The following VWA8 variants were observed in gnomAD, a reference collection of about 807,000 sequenced individuals.
The protein encoded by VWA8 is von Willebrand factor A domain containing 8, also known as von Willebrand factor A domain-containing protein 8.
In VWA8, 221 loss-of-function variants were observed where a neutral mutation model predicts 241.5. The observed-to-expected ratio is 0.91, with a 90% CI of 0.82 to 1.02. VWA8 has a LOEUF of 1.02. Ranked by LOEUF, VWA8 falls within the 50% of genes least tolerant of loss-of-function variation. The pLI is 0.00. For synonymous variants in VWA8, 852 were observed against 827.1 expected (o/e 1.03, Z -0.52); for missense variants, 2,322 against 2,328.7 (o/e 1.00, Z 0.06).
chr13:41,840,633 C>G (rs1010425030), intron 12 of VWA8, among the ~76,000 whole-genome samples: 3 of 151,904 alleles, frequency 2.0e-5, no homozygotes, highest in African/African-American at 7.3e-5. Context: ...GTGGTGCACA[C>G]CTGTAGTCCC....
At position 41,583,642 on chromosome 13, in the gene VWA8, CA is replaced by C. The variant is rs935505646; in HGVS notation, c.5271+3869del. 4.1e-3 allele frequency among the ~76,000 whole-genome samples: 175 copies of C among 42,180 alleles called. 1 individual carries two copies. The highest frequency in any genetic ancestry group is 0.033 in the South Asian group (38 of 1,166). 27.7% of individuals were successfully genotyped at this position (42,180 alleles called of 152,430 possible). ...TGGGTGACCGAGCAAGACTCCATCT[CA>C]AAAAAAAAAAAAAAAAAAACAAACA... On this transcript the variant is annotated intron_variant, in intron 42 of 44. Transcript: ENST00000379310.
intron 14 of VWA8, among the ~76,000 whole-genome samples, chr13:41,825,894 A>T (rs1387172667): frequency 6.6e-6 from 1 of 152,228 alleles, no homozygotes; most frequent in Non-Finnish European, 1.5e-5. Context: ...ATAATGGGTC[A>T]TATTACTTAT....
intron 39 of VWA8, among the ~76,000 whole-genome samples, chr13:41,607,492 G>A (rs1465456202): frequency 6.6e-6 from 1 of 152,140 alleles, no homozygotes; most frequent in African/African-American, 2.4e-5. Flanking sequence ...TATCAAGGCT[G>A]ACAGAAGCTG....
At chr13:41,766,477 G>C (rs2045779817) in intron 20 of VWA8, among the ~76,000 whole-genome samples, 3 of 152,192 alleles carry the variant, frequency 2.0e-5, no homozygotes, top group Non-Finnish European at 2.9e-5. Context: ...TGCAACAGCA[G>C]ATAAATTTGC....
chr13:41,577,949 C>G lies in VWA8; in HGVS notation c.5272-2111G>C, dbSNP rs193077567. On this transcript the variant is annotated intron_variant, in intron 42 of 44. Transcript: ENST00000379310. ...TCAACAAATACAGTTTTTAGCTGGT[C>G]TTTAGTAAAACAAGATACTGGCTGA... is the stretch of plus-strand genomic sequence containing the variant. Among the ~76,000 whole-genome samples the G allele has an allele frequency of 1.0e-3, 152 of 152,280 alleles. 1 individual carries two copies. Among genetic ancestry groups the G allele is most frequent in the African/African-American group, 3.4e-3 (142 of 41,556 alleles).
chr13:41,869,061 T>C (rs1057340915), intron 9 of VWA8, among the ~76,000 whole-genome samples: 5 of 152,136 alleles, frequency 3.3e-5, no homozygotes, highest in Admixed American at 3.3e-4. Flanking sequence ...ATTCCTGACC[T>C]GGTAGAAGTT....
At chr13:41,724,961 C>T (rs1374303787) in intron 24 of VWA8, among the ~76,000 whole-genome samples, 1 of 152,070 alleles carries the variant, frequency 6.6e-6, no homozygotes, top group Admixed American at 6.5e-5. Flanking sequence ...ACACTTGAGG[C>T]CCATTGTTAA....
chr13:41,655,007 T>C (rs1270666017), intron 37 of VWA8, among the ~76,000 whole-genome samples: 1 of 152,180 alleles, frequency 6.6e-6, no homozygotes, highest in Non-Finnish European at 1.5e-5. Flanking sequence ...TACACATTAA[T>C]GCTATATCAA....
chr13:41,787,114 T>C (rs1869229461), intron 18 of VWA8, among the ~76,000 whole-genome samples: 2 of 149,006 alleles, frequency 1.3e-5, no homozygotes, highest in African/African-American at 5.0e-5. Context: ...GAAATACATT[T>C]GGAAAAAGTA....
At chr13:41,828,120 A>G (rs1294158883) in intron 14 of VWA8, among the ~76,000 whole-genome samples, 1 of 152,218 alleles carries the variant, frequency 6.6e-6, no homozygotes, top group Non-Finnish European at 1.5e-5. Flanking sequence ...AAAGAATTTG[A>G]TAATGTATAC....
chr13:41,749,505 G>T (rs987125692), intron 21 of VWA8, among the ~76,000 whole-genome samples: 4 of 152,114 alleles, frequency 2.6e-5, no homozygotes, highest in African/African-American at 9.7e-5. Flanking sequence ...CCATTACTGG[G>T]TATATACCCA....
chr13:41,951,684 T>G (rs1878147239), intron 1 of VWA8, among the ~76,000 whole-genome samples: 1 of 152,216 alleles, frequency 6.6e-6, no homozygotes, highest in South Asian at 2.1e-4. Context: ...AACTCATCTT[T>G]CAGCACTGCC....
chr13:41,739,282 T>G (rs1327124968), intron 21 of VWA8, among the ~76,000 whole-genome samples: 1 of 152,116 alleles, frequency 6.6e-6, no homozygotes, highest in African/African-American at 2.4e-5. Context: ...TTCAAAGAAA[T>G]AAAGTTAAAA....
At chr13:41,918,389 A>T (rs1214828945) in intron 2 of VWA8, among the ~76,000 whole-genome samples, 1 of 152,216 alleles carries the variant, frequency 6.6e-6, no homozygotes, top group Non-Finnish European at 1.5e-5. Context: ...TGAAATAATT[A>T]TACATATCCA....
At chr13:41,643,591 C>T (rs1387953623) in intron 37 of VWA8, among the ~76,000 whole-genome samples, 3 of 152,190 alleles carry the variant, frequency 2.0e-5, no homozygotes, top group Non-Finnish European at 4.4e-5. Flanking sequence ...ACGTTGTTTG[C>T]ATATGTTAGT....
At chr13:41,690,119 C>T (rs1245530024) in intron 33 of VWA8, 47 bp downstream of exon 33, 6 of 1,522,406 alleles carry the variant, frequency 3.9e-6, no homozygotes, top group African/African-American at 1.4e-5. Context: ...AGTATATGTA[C>T]AAGCATGCAC....
At chr13:41,777,017 A>T (rs2137927833) in intron 20 of VWA8, among the ~76,000 whole-genome samples, 1 of 152,302 alleles carries the variant, frequency 6.6e-6, no homozygotes, top group South Asian at 2.1e-4. Context: ...AGACCAATTT[A>T]AAAAACCAAA....
chr13:41,790,665 A>G (rs1201958009), intron 17 of VWA8, among the ~76,000 whole-genome samples: 3 of 152,016 alleles, frequency 2.0e-5, no homozygotes, highest in Admixed American at 6.6e-5. Flanking sequence ...AGTGAAGTAG[A>G]ACTCTTATTA....
chr13:41,796,825 G>A (rs1869723796), intron 17 of VWA8, among the ~76,000 whole-genome samples: 1 of 150,140 alleles, frequency 6.7e-6, no homozygotes, highest in South Asian at 2.1e-4. Flanking sequence ...TATCATTAAA[G>A]TACTGAAATT....
Sources: allele counts gnomAD v4.1 joint callset (sites outside exome capture counted in the v4.1 genomes callset), GRCh38; gene constraint gnomAD v4.1.1; transcripts MANE v1.5; gene names NCBI Gene and HGNC (gene_info 2026-07-23, HGNC 2026-07-21).